PTPRN2: variants seen among roughly 807,000 people sequenced by gnomAD.
PTPRN2 encodes protein tyrosine phosphatase receptor type N2.
In PTPRN2, 74 loss-of-function variants were observed where a neutral mutation model predicts 118.8. The observed-to-expected ratio is 0.62, with a 90% confidence interval of 0.52 to 0.76. The LOEUF (loss-of-function observed/expected upper bound fraction) is 0.76. Among genes scored for constraint, PTPRN2 ranks in the 30% least tolerant of loss-of-function variants. The probability of loss-of-function intolerance (pLI) is 0.00; values close to 1 mark genes in which losing one functional copy is unlikely to be tolerated. For synonymous variants in PTPRN2, 641 were observed against 608.0 expected (o/e 1.05, Z -0.80); for missense variants, 1,481 against 1,394.4 (o/e 1.06, Z -0.99).
intron 1 of PTPRN2, among the ~76,000 whole-genome samples, chr7:158,505,267 C>T (rs932829368): frequency 7.9e-5 from 12 of 152,184 alleles, no homozygotes. Context: ...CAAAATGAAG[C>T]CTCCAGGCAA....
chr7:158,573,886 C>T (rs1828183571), intron 1 of PTPRN2, among the ~76,000 whole-genome samples: 1 of 152,160 alleles, frequency 6.6e-6, no homozygotes, highest in African/African-American at 2.4e-5. Flanking sequence ...AACTATGCTG[C>T]AATTTCCATG....
intron 5 of PTPRN2, among the ~76,000 whole-genome samples, chr7:158,188,246 ATGGGGAAGGCCGCCACG>A: frequency 5.9e-5 from 4 of 67,720 alleles, no homozygotes; most frequent in African/African-American, 2.1e-4. Context: ...TTGCCCCGCG[ATGGGGAAGGCCGCCACG>A]CTCGCCCCCT....
At chr7:158,349,903 C>T (rs558921975) in intron 2 of PTPRN2, among the ~76,000 whole-genome samples, 2 of 152,132 alleles carry the variant, frequency 1.3e-5, no homozygotes, top group Non-Finnish European at 2.9e-5. Flanking sequence ...CCCTGAGGGC[C>T]CCCCGGGCCA....
intron 1 of PTPRN2, among the ~76,000 whole-genome samples, chr7:158,579,523 G>A (rs570143215): frequency 3.3e-5 from 5 of 152,214 alleles, no homozygotes; most frequent in Non-Finnish European, 7.3e-5. Flanking sequence ...GATTATAGGT[G>A]AAGTCTTTCC....
At chr7:158,538,642 A>C (rs988979703) in intron 1 of PTPRN2, among the ~76,000 whole-genome samples, 1 of 152,088 alleles carries the variant, frequency 6.6e-6, no homozygotes, top group Non-Finnish European at 1.5e-5. Context: ...CGCTCACCTG[A>C]CAGTGGCCTC....
At chr7:157,693,536 G>A (rs1304832779) in intron 12 of PTPRN2, among the ~76,000 whole-genome samples, 1 of 152,066 alleles carries the variant, frequency 6.6e-6, no homozygotes, top group Admixed American at 6.5e-5. Context: ...TTGGGGCACC[G>A]GGGAGTGGGC....
At chr7:158,319,155 T>C (rs1291256183) in intron 2 of PTPRN2, among the ~76,000 whole-genome samples, 2 of 152,230 alleles carry the variant, frequency 1.3e-5, no homozygotes, top group African/African-American at 2.4e-5. Context: ...ATGCATAATA[T>C]AGTTTGTGCT....
chr7:157,717,757 G>T (rs1367128727), intron 12 of PTPRN2, among the ~76,000 whole-genome samples: 2 of 152,240 alleles, frequency 1.3e-5, no homozygotes, highest in African/African-American at 4.8e-5. Flanking sequence ...CCCGACCTGC[G>T]GGCCAGCACC....
At chr7:157,675,259 G>A (rs569668657) in intron 13 of PTPRN2, among the ~76,000 whole-genome samples, 1 of 152,286 alleles carries the variant, frequency 6.6e-6, no homozygotes, top group East Asian at 1.9e-4. Context: ...CACCTGACCA[G>A]GGCTTCCCTC....
chr7:157,723,987 T>G (rs1477884020), intron 12 of PTPRN2, among the ~76,000 whole-genome samples: 1 of 152,244 alleles, frequency 6.6e-6, no homozygotes, highest in East Asian at 1.9e-4. Context: ...GAATTTAGGC[T>G]TCCCCCGTCT....
At chr7:158,172,839 CCAT>C (rs1471168459) in intron 5 of PTPRN2, among the ~76,000 whole-genome samples, 6 of 145,882 alleles carry the variant, frequency 4.1e-5, no homozygotes, top group Non-Finnish European at 7.4e-5. Flanking sequence ...AGCATCCCCA[CCAT>C]CATCAACTTC....
intron 11 of PTPRN2, among the ~76,000 whole-genome samples, chr7:157,906,933 A>C (rs1463777423): frequency 5.9e-5 from 9 of 152,162 alleles, no homozygotes; most frequent in African/African-American, 2.2e-4. Context: ...TTAACATCAA[A>C]CACGTGCAGT....
chr7:158,148,599 T>C (rs1309572597), intron 6 of PTPRN2, among the ~76,000 whole-genome samples: 2 of 118,732 alleles, frequency 1.7e-5, no homozygotes, highest in East Asian at 2.6e-4. Flanking sequence ...TGACACCCCA[T>C]CTCACGCCAC....
chr7:158,041,500 T>G (rs1199125942), intron 11 of PTPRN2, among the ~76,000 whole-genome samples: 1 of 151,858 alleles, frequency 6.6e-6, no homozygotes, highest in East Asian at 1.9e-4. Flanking sequence ...TAGCCTGGGG[T>G]GGTGGTACAC....
chr7:157,797,874 C>G (rs1230020591), intron 12 of PTPRN2, among the ~76,000 whole-genome samples: 2 of 152,236 alleles, frequency 1.3e-5, no homozygotes, highest in African/African-American at 4.8e-5. Flanking sequence ...CTCTGAACCT[C>G]CAGAGGCCCC....
intron 2 of PTPRN2, among the ~76,000 whole-genome samples, chr7:158,443,563 C>T (rs1019945974): frequency 3.9e-5 from 6 of 152,042 alleles, no homozygotes; most frequent in South Asian, 2.1e-4. Flanking sequence ...GCAGGAGGAG[C>T]GGCGTGGGGC....
intron 12 of PTPRN2, among the ~76,000 whole-genome samples, chr7:157,697,302 C>A (rs1418405900): frequency 6.9e-6 from 1 of 145,592 alleles, no homozygotes; most frequent in Non-Finnish European, 1.5e-5. Context: ...CATACTGGGT[C>A]TTGGCAGAGC....
Position 157,794,021 on chromosome 7 carries a change from G to A in PTPRN2, c.1788+104652C>T, listed in dbSNP as rs573116692. 2.6e-5 allele frequency among the ~76,000 whole-genome samples: 4 copies of A among 152,130 alleles called. No homozygotes were observed. The highest frequency in any genetic ancestry group is 7.2e-5 in the African/African-American group (3 of 41,432). On this transcript the variant is annotated intron_variant, in intron 12 of 22. Coordinates refer to ENST00000389418, the MANE Select transcript of PTPRN2 (RefSeq NM_002847.5). This position sits in a 1 kb window ranked among gnomAD's most constrained non-coding sequence, Gnocchi z 5.2. ...GGTCCCCACCCTCCAGGCCACCTTC[G>A]GGCCTCGGCAGCACACCTCGAGGGG...
At chr7:157,793,587 G>C (rs1415364320) in intron 12 of PTPRN2, among the ~76,000 whole-genome samples, 4 of 152,178 alleles carry the variant, frequency 2.6e-5, no homozygotes, top group Non-Finnish European at 5.9e-5. Flanking sequence ...TTCCCACGTG[G>C]GATTCTCACA....
Sources: allele counts gnomAD v4.1 joint callset (sites outside exome capture counted in the v4.1 genomes callset), GRCh38; gene constraint gnomAD v4.1.1; non-coding constraint Gnocchi (gnomAD v3.1); transcripts MANE v1.5; gene names NCBI Gene and HGNC (gene_info 2026-07-23, HGNC 2026-07-21).